The following FAM168B variants were observed in gnomAD, a reference collection of about 807,000 sequenced individuals.
FAM168B encodes the protein family with sequence similarity 168 member B, also known as myelin-associated neurite-outgrowth inhibitor.
A neutral mutation model predicts 21.8 loss-of-function variants in FAM168B; 19 were observed. That is an observed-to-expected ratio of 0.87 (90% CI 0.61 to 1.28). FAM168B has a LOEUF of 1.28. Among genes scored for constraint, FAM168B ranks in the 50% most tolerant of loss-of-function variants. The pLI is 0.00. For missense variants in FAM168B, 233 were observed against 263.1 expected, an observed-to-expected ratio of 0.89 and a Z score of 0.79; for synonymous variants, 126 against 104.8, an observed-to-expected ratio of 1.20 and a Z score of -1.24.
intron 2 of FAM168B, among the ~76,000 whole-genome samples, chr2:131,073,428 T>C (rs1043522098): frequency 3.9e-5 from 6 of 152,188 alleles, no homozygotes; most frequent in Non-Finnish European, 8.8e-5. Context: ...TTCTCCAGCA[T>C]GACCAGCTAA....
At chr2:131,066,039 C>T (rs1692539826) in intron 3 of FAM168B, among the ~76,000 whole-genome samples, 1 of 152,136 alleles carries the variant, frequency 6.6e-6, no homozygotes, top group Non-Finnish European at 1.5e-5. Flanking sequence ...TTTTAAGCTT[C>T]TAACATACAC....
In FAM168B at chr2:131,050,747, T is replaced by C; in HGVS notation, c.*1718A>G. ...CCCCCACCAACCAACTGGGGCAGAA[T>C]GCTAGTGGGCATCCTCACTGGGCGC... On this transcript the variant is annotated 3_prime_UTR_variant, in exon 7 of 7. Transcript: ENST00000389915. The C allele has an allele frequency of 1.0e-6, 1 of 985,428 alleles. No individual in the cohort carries two copies. Among genetic ancestry groups the C allele is most frequent in the South Asian group, 4.7e-5 (1 of 21,288 alleles). 61.0% of individuals were successfully genotyped at this position (985,428 alleles called of 1,614,324 possible). A position where few individuals can be genotyped will look rare whatever the true frequency, so the allele number is the denominator to read the frequency against.
intron 5 of FAM168B, 24 bp downstream of exon 5, chr2:131,055,248 G>C: frequency 1.3e-6 from 2 of 1,515,846 alleles, no homozygotes; most frequent in Non-Finnish European, 1.8e-6. Flanking sequence ...CCATAGGACA[G>C]ACACCGCAGG....
chr2:131,051,755 G>A lies in FAM168B; in HGVS notation c.*710C>T, dbSNP rs1691689874. On this transcript the variant is annotated 3_prime_UTR_variant, in exon 7 of 7. Coordinates refer to ENST00000389915, the MANE Select transcript of FAM168B (RefSeq NM_001009993.4). ...CCACACTACCATAATCTTTCATGAT[G>A]AGCTTTAAGCATGTCCCTGTTCCAC... 1 of 985,378 alleles carries A rather than the reference G, an allele frequency of 1.0e-6. No individual in the cohort carries two copies. Among genetic ancestry groups the A allele is most frequent in the Non-Finnish European group, 1.2e-6 (1 of 829,906 alleles). The allele number at this position is 985,378 out of a possible 1,614,324, so 61.0% of individuals were successfully genotyped here.
chr2:131,071,337 G>A (rs947768825), intron 3 of FAM168B, among the ~76,000 whole-genome samples: 40 of 152,264 alleles, frequency 2.6e-4, no homozygotes, highest in African/African-American at 8.9e-4. Context: ...AGAGAGTGCA[G>A]GCTCCTAGCA....
intron 2 of FAM168B, among the ~76,000 whole-genome samples, chr2:131,076,028 GC>G: frequency 6.6e-6 from 1 of 152,166 alleles, no homozygotes; most frequent in South Asian, 2.1e-4. Flanking sequence ...CCGCAGCGTG[GC>G]TCCCCTCACT....
At position 131,058,672 on chromosome 2, in the gene FAM168B, C is replaced by G. The variant is rs561159159; in HGVS notation, c.155-2977G>C. On this transcript the variant is annotated intron_variant, in intron 3 of 6. Coordinates refer to ENST00000389915, the MANE Select transcript of FAM168B (RefSeq NM_001009993.4). ...TGCTTGGCCAAAGGAAAGCAGAATACGCAGATTTTCCATTAGGATTTGGAA... is the reference window on the plus strand; with the variant it reads ...TGCTTGGCCAAAGGAAAGCAGAATAGGCAGATTTTCCATTAGGATTTGGAA... Among the ~76,000 whole-genome samples, 4 of 152,262 alleles carry G rather than the reference C, an allele frequency of 2.6e-5. No individual in the cohort carries two copies. In the South Asian group the frequency reaches 6.2e-4, roughly 24 times the overall value.
At chr2:131,089,901 G>A (rs1693918377) in intron 1 of FAM168B, among the ~76,000 whole-genome samples, 2 of 151,210 alleles carry the variant, frequency 1.3e-5, no homozygotes, top group Admixed American at 1.3e-4. Context: ...CGGTGGTGGT[G>A]CACACCTGTA....
intron 3 of FAM168B, among the ~76,000 whole-genome samples, chr2:131,068,742 A>C (rs75114199): frequency 6.6e-6 from 1 of 152,218 alleles, no homozygotes; most frequent in Non-Finnish European, 1.5e-5. Flanking sequence ...CAAGCTGGGC[A>C]TGGTAGCTCA....
chr2:131,055,169 A>G, intron 5 of FAM168B, 103 bp downstream of exon 5: 1 of 1,148,812 alleles, frequency 8.7e-7, no homozygotes, highest in Non-Finnish European at 1.2e-6. Context: ...ACACAACTAC[A>G]GCTATGAAAA....
intron 2 of FAM168B, 27 bp downstream of exon 2, chr2:131,082,550 A>T (rs776434819): frequency 1.3e-6 from 2 of 1,535,362 alleles, no homozygotes; most frequent in South Asian, 1.2e-5. Flanking sequence ...AAAGTTCAAA[A>T]ATGAAAACAA....
intron 1 of FAM168B, among the ~76,000 whole-genome samples, chr2:131,092,002 G>A (rs1284101924): frequency 1.3e-5 from 2 of 151,514 alleles, no homozygotes; most frequent in Non-Finnish European, 2.9e-5. Flanking sequence ...AAATTAGCCA[G>A]GCGTGGTGGC....
At chr2:131,057,765 TAA>T (rs1475218109) in intron 3 of FAM168B, among the ~76,000 whole-genome samples, 1 of 152,152 alleles carries the variant, frequency 6.6e-6, no homozygotes, top group Non-Finnish European at 1.5e-5. Context: ...TAATAATAAT[TAA>T]AGTTAATTTT....
At chr2:131,071,669 C>T (rs1692877159) in intron 3 of FAM168B, among the ~76,000 whole-genome samples, 186 bp downstream of exon 3, 1 of 152,114 alleles carries the variant, frequency 6.6e-6, no homozygotes, top group Non-Finnish European at 1.5e-5. Context: ...ACATGAGAAA[C>T]ACAGTATATA....
At chr2:131,082,432 A>G (rs1558991448) in intron 2 of FAM168B, 145 bp downstream of exon 2, 2 of 611,140 alleles carry the variant, frequency 3.3e-6, no homozygotes, top group Non-Finnish European at 5.8e-6. Flanking sequence ...ATCCAGTCCT[A>G]TCATTTGATT....
chr2:131,070,756 G>A (rs1692833149), intron 3 of FAM168B, among the ~76,000 whole-genome samples: 1 of 152,124 alleles, frequency 6.6e-6, no homozygotes. Flanking sequence ...TATACACTAC[G>A]AGATGGATGG....
At position 131,048,496 on chromosome 2, in the gene FAM168B, TC is replaced by T; in HGVS notation, c.*3968del. 8.9e-7 allele frequency: 1 copy of T among 1,122,316 alleles called. No homozygotes were observed. Among genetic ancestry groups the T allele is most frequent in the Non-Finnish European group, 1.1e-6 (1 of 896,656 alleles). The allele number at this position is 1,122,316 out of a possible 1,614,324, so 69.5% of individuals were successfully genotyped here. A position where few individuals can be genotyped will look rare whatever the true frequency, so the allele number is the denominator to read the frequency against. ...AGTCCTGTGGACCAAGATAAGGCTA[TC>T]CCCACAGGCTCTCTCTTCTTCAAAT... On this transcript the variant is annotated 3_prime_UTR_variant, in exon 7 of 7. Transcript: ENST00000389915.
At chr2:131,065,284 T>A (rs1692497309) in intron 3 of FAM168B, among the ~76,000 whole-genome samples, 1 of 152,042 alleles carries the variant, frequency 6.6e-6, no homozygotes, top group Admixed American at 6.5e-5. Flanking sequence ...AGCAGGCAAC[T>A]GCTATTGTTC....
chr2:131,053,137 G>C, intron 5 of FAM168B, 122 bp from the exon 6 acceptor site: 1 of 1,342,508 alleles, frequency 7.4e-7, no homozygotes, highest in Non-Finnish European at 9.7e-7. Flanking sequence ...GGATAGTCTT[G>C]ACCCAGATAC....
Sources: gnomAD v4.1 joint callset for allele counts (sites outside exome capture counted in the v4.1 genomes callset) on GRCh38, gnomAD v4.1.1 for gene constraint, MANE v1.5 for transcripts, NCBI Gene and HGNC (gene_info 2026-07-23, HGNC 2026-07-21) for gene names.